ABCB5: variants seen among roughly 807,000 people sequenced by gnomAD.
ABCB5 encodes ATP binding cassette subfamily B member 5, also known as ATP-binding cassette sub-family B member 5.
Under a neutral mutation model 144.2 loss-of-function variants are expected in ABCB5, and 155 were observed. That is an observed-to-expected ratio of 1.08 (90% CI 0.94 to 1.23). The LOEUF is 1.23. Ranked by LOEUF, ABCB5 falls within the 50% of genes most tolerant of loss-of-function variation. ABCB5 has a pLI of 0.00. For missense variants in ABCB5, 1,830 were observed against 1,520.8 expected (o/e 1.20, Z -3.38); for synonymous variants, 610 against 528.6 (o/e 1.15, Z -2.11).
chr7:20,624,803 G>A (rs1783872286), intron 2 of ABCB5, among the ~76,000 whole-genome samples: 1 of 152,236 alleles, frequency 6.6e-6, no homozygotes, highest in African/African-American at 2.4e-5. Flanking sequence ...GCTAGGACTA[G>A]GAGCTAGTGC....
intron 3 of ABCB5, 136 bp downstream of exon 3, chr7:20,626,747 G>T (rs1359989985): frequency 1.4e-6 from 1 of 725,928 alleles, no homozygotes; most frequent in Non-Finnish European, 2.1e-6. Flanking sequence ...ATTAAAGTAT[G>T]ATTTTCGATA....
At chr7:20,730,040 T>C (rs1187896969) in intron 23 of ABCB5, among the ~76,000 whole-genome samples, 1 of 152,256 alleles carries the variant, frequency 6.6e-6, no homozygotes, top group East Asian at 1.9e-4. Flanking sequence ...ATTTATTTAT[T>C]AAGCATTAAG....
At chr7:20,664,258 C>T (rs1785100173) in intron 14 of ABCB5, among the ~76,000 whole-genome samples, 1 of 152,172 alleles carries the variant, frequency 6.6e-6, no homozygotes, top group Non-Finnish European at 1.5e-5. Context: ...GAAAACCACA[C>T]TCACACTGTC....
chr7:20,670,897 G>A (rs1033478840), intron 14 of ABCB5, among the ~76,000 whole-genome samples: 4 of 151,976 alleles, frequency 2.6e-5, no homozygotes, highest in African/African-American at 7.3e-5. Context: ...CAACAAGAGC[G>A]AAATTCCACC....
chr7:20,743,126 A>G, intron 25 of ABCB5, 52 bp downstream of exon 25: 1 of 1,578,190 alleles, frequency 6.3e-7, no homozygotes, highest in Non-Finnish European at 8.7e-7. Flanking sequence ...TCCTATTCTT[A>G]AACATTCACT....
chr7:20,689,616 G>A (rs533590360), intron 16 of ABCB5, among the ~76,000 whole-genome samples: 2 of 152,144 alleles, frequency 1.3e-5, no homozygotes, highest in African/African-American at 2.4e-5. Flanking sequence ...CCACACAGAA[G>A]AGAAAGCTGC....
intron 19 of ABCB5, among the ~76,000 whole-genome samples, chr7:20,704,440 T>G (rs1006169243): frequency 1.3e-5 from 2 of 152,206 alleles, no homozygotes; most frequent in African/African-American, 4.8e-5. Flanking sequence ...TACAAATCAC[T>G]TGATGGTTGA....
At position 20,647,362 on chromosome 7, in the gene ABCB5, G is replaced by T; in HGVS notation, c.982-173G>T. On this transcript the variant is annotated intron_variant, in intron 9 of 27. Transcript: ENST00000404938. ...GTTTCTATTGCTTCTCGGCCTTTTG[G>T]CTAAGATCAAGTGTAATCTGTGTTC... 6 of 1,337,204 alleles carry T rather than the reference G, an allele frequency of 4.5e-6. 1 individual carries two copies. The South Asian group carries it at 8.9e-5, about 20-fold the overall frequency. The allele number at this position is 1,337,204 out of a possible 1,614,324, so 82.8% of individuals were successfully genotyped here.
At chr7:20,703,627 T>C (rs1717065699) in intron 19 of ABCB5, among the ~76,000 whole-genome samples, 1 of 152,066 alleles carries the variant, frequency 6.6e-6, no homozygotes, top group South Asian at 2.1e-4. Context: ...TTTTTTGTTC[T>C]TTACTCACTA....
At chr7:20,727,778 T>C (rs1362365725) in intron 22 of ABCB5, among the ~76,000 whole-genome samples, 2 of 152,228 alleles carry the variant, frequency 1.3e-5, no homozygotes, top group Non-Finnish European at 2.9e-5. Context: ...AGTTTACATT[T>C]TAAATACGAA....
intron 2 of ABCB5, among the ~76,000 whole-genome samples, chr7:20,625,974 T>G (rs1327770850): frequency 6.6e-6 from 1 of 152,162 alleles, no homozygotes; most frequent in African/African-American, 2.4e-5. Flanking sequence ...TTCCAACACC[T>G]ACTACAATGT....
chr7:20,626,346 TCTC>T (rs930545285), intron 2 of ABCB5, among the ~76,000 whole-genome samples: 13 of 152,206 alleles, frequency 8.5e-5, no homozygotes, highest in African/African-American at 1.7e-4. Context: ...TTTAAAAAAT[TCTC>T]CTCCAGACAC....
At chr7:20,693,521 CA>C (rs559282772) in intron 16 of ABCB5, among the ~76,000 whole-genome samples, 10 of 152,032 alleles carry the variant, frequency 6.6e-5, no homozygotes, top group African/African-American at 2.2e-4. Flanking sequence ...AAGGAAAAAT[CA>C]AAAGAGAAAC....
chr7:20,637,496 C>G (rs1468908211), intron 5 of ABCB5, among the ~76,000 whole-genome samples: 1 of 151,270 alleles, frequency 6.6e-6, no homozygotes, highest in Non-Finnish European at 1.5e-5. Context: ...TCTTGGCTCA[C>G]TGCAACCTCT....
At chr7:20,719,336 T>A (rs1054980501) in intron 20 of ABCB5, among the ~76,000 whole-genome samples, 2 of 152,210 alleles carry the variant, frequency 1.3e-5, no homozygotes, top group African/African-American at 4.8e-5. Flanking sequence ...GTAGTTCTTA[T>A]AAAAGTTATA....
Position 20,699,838 on chromosome 7 carries a change from A to T in ABCB5, c.2168A>T (p.Asn723Ile), listed in dbSNP as rs1786552746. Residue 723 changes from asparagine (N) to isoleucine (I), a missense_variant, in exon 18 of 28, where the codon AAT (asparagine) becomes ATT (isoleucine). Physicochemically the swap from Asn to Ile is moderately radical, Grantham distance 149. Transcript: ENST00000404938. ...GTTCCTTTTCAGATGTTTGGAAATAATGATAAAACCACATTAAAGCATGAT... is the reference window on the plus strand; with the variant it reads ...GTTCCTTTTCAGATGTTTGGAAATATTGATAAAACCACATTAAAGCATGAT... ...FAKIITMFGN[N>I]DKTTLKHDAE... The T allele has an allele frequency of 1.2e-6, 2 of 1,600,820 alleles. No homozygotes were observed. Among genetic ancestry groups the T allele is most frequent in the Admixed American group, 1.7e-5 (1 of 58,620 alleles).
At chr7:20,754,034 C>T (rs1783010648) in intron 27 of ABCB5, among the ~76,000 whole-genome samples, 1 of 152,162 alleles carries the variant, frequency 6.6e-6, no homozygotes, top group South Asian at 2.1e-4. Context: ...GTCCTTATCC[C>T]TTAGGAGTTT....
chr7:20,732,873 C>T (rs757838676), intron 23 of ABCB5, among the ~76,000 whole-genome samples: 10 of 152,188 alleles, frequency 6.6e-5, no homozygotes, highest in Non-Finnish European at 1.0e-4. Flanking sequence ...TTCATGCCTG[C>T]AAATGACACC....
At chr7:20,642,061 C>T (rs1202774646) in intron 5 of ABCB5, 1 of 152,204 alleles carries the variant, frequency 6.6e-6, no homozygotes, top group East Asian at 1.9e-4. Flanking sequence ...ACAGAACTTC[C>T]TGCTTCCATT....
Sources: gnomAD v4.1 joint callset for allele counts (sites outside exome capture counted in the v4.1 genomes callset) on GRCh38, gnomAD v4.1.1 for gene constraint, MANE v1.5 for transcripts, NCBI Gene and HGNC (gene_info 2026-07-23, HGNC 2026-07-21) for gene names.